Variants in NEK10 observed in about 807,000 individuals in gnomAD.
NEK10 encodes NIMA related kinase 10.
A neutral mutation model predicts 159.8 loss-of-function variants in NEK10; 122 were observed. The ratio of observed to expected loss-of-function variants is 0.76; its 90% CI spans 0.66 to 0.89. The LOEUF (loss-of-function observed/expected upper bound fraction) is 0.89, where lower values mean the gene tolerates loss of function less well. NEK10 is among the 40% of genes least tolerant of loss of function. The pLI is 0.00. For synonymous variants in NEK10, 466 were observed against 457.1 expected, an observed-to-expected ratio of 1.02 and a Z score of -0.25; for missense variants, 1,342 against 1,323.1, an observed-to-expected ratio of 1.01 and a Z score of -0.22.
intron 23 of NEK10, among the ~76,000 whole-genome samples, chr3:27,228,896 A>T (rs1952923068): frequency 6.6e-6 from 1 of 152,046 alleles, no homozygotes; most frequent in Non-Finnish European, 1.5e-5. Flanking sequence ...CTTCTCCCTG[A>T]TAAAAACCTC....
At chr3:27,178,041 T>C (rs1947701182) in intron 26 of NEK10, among the ~76,000 whole-genome samples, 1 of 152,186 alleles carries the variant, frequency 6.6e-6, no homozygotes, top group South Asian at 2.1e-4. Context: ...CGGATATCAA[T>C]ACGGCGGCAA....
At chr3:27,249,548 CT>C (rs1468733547) in intron 23 of NEK10, among the ~76,000 whole-genome samples, 2 of 151,962 alleles carry the variant, frequency 1.3e-5, no homozygotes, top group African/African-American at 4.8e-5. Flanking sequence ...TACTTCTGCT[CT>C]TTTTTGGCTT....
chr3:27,163,500 C>T (rs1421981116), intron 29 of NEK10, among the ~76,000 whole-genome samples: 6 of 151,838 alleles, frequency 4.0e-5, no homozygotes, highest in Admixed American at 6.6e-5. Flanking sequence ...TACAGGTGCC[C>T]GCCACCACGC....
chr3:27,192,243 C>T lies in NEK10; in HGVS notation c.2292-1G>A. 1 of 1,610,856 alleles carries T rather than the reference C, an allele frequency of 6.2e-7. No homozygotes were observed. The highest frequency in any genetic ancestry group is 1.1e-5 in the South Asian group (1 of 90,972). ...AGCTTCCGCATCAGGAGTGAGGCACCTAAGATAACATGAGATAATTATAAC... is the reference window on the plus strand; with the variant it reads ...AGCTTCCGCATCAGGAGTGAGGCACTTAAGATAACATGAGATAATTATAAC... On this transcript the variant is annotated splice_acceptor_variant, in intron 25 of 35. Coordinates refer to ENST00000691995, the MANE Select transcript of NEK10 (RefSeq NM_001394966.1). LOFTEE classifies it high-confidence loss of function.
chr3:27,272,656 A>G (rs564254362), intron 22 of NEK10, among the ~76,000 whole-genome samples: 11 of 152,218 alleles, frequency 7.2e-5, no homozygotes, highest in Middle Eastern at 6.8e-3. Flanking sequence ...TCTGGACTTC[A>G]TGATTGTCCA....
intron 23 of NEK10, among the ~76,000 whole-genome samples, chr3:27,243,591 C>A (rs1209851684): frequency 6.6e-6 from 1 of 152,122 alleles, no homozygotes; most frequent in Non-Finnish European, 1.5e-5. Flanking sequence ...GTCATAATGT[C>A]TGAATTCGAG....
chr3:27,223,385 C>T (rs563159836), intron 23 of NEK10, among the ~76,000 whole-genome samples: 25 of 152,290 alleles, frequency 1.6e-4, no homozygotes, highest in African/African-American at 5.8e-4. Flanking sequence ...CCCTGTACCC[C>T]AGCCCTTACC....
chr3:27,284,104 G>A (rs1335975735), intron 22 of NEK10, among the ~76,000 whole-genome samples: 1 of 152,128 alleles, frequency 6.6e-6, no homozygotes, highest in Admixed American at 6.5e-5. Flanking sequence ...AGTAAAATTT[G>A]GCCGGGCATT....
chr3:27,318,109 T>C (rs937149222), intron 6 of NEK10, among the ~76,000 whole-genome samples: 2 of 152,218 alleles, frequency 1.3e-5, no homozygotes. Context: ...AGCCAAAGTT[T>C]ATTCTTTGGT....
chr3:27,274,781 G>A (rs1575551082), intron 22 of NEK10, among the ~76,000 whole-genome samples: 1 of 152,190 alleles, frequency 6.6e-6, no homozygotes, highest in African/African-American at 2.4e-5. Context: ...GGCTGGAAAT[G>A]CTGATGACAT....
At chr3:27,329,519 T>A (rs1439492879) in intron 5 of NEK10, among the ~76,000 whole-genome samples, 1 of 152,156 alleles carries the variant, frequency 6.6e-6, no homozygotes, top group African/African-American at 2.4e-5. Flanking sequence ...TGAGAAACTG[T>A]CATTTATTGA....
chr3:27,280,860 G>T (rs536666156), intron 22 of NEK10, among the ~76,000 whole-genome samples: 29 of 151,174 alleles, frequency 1.9e-4, no homozygotes, highest in South Asian at 1.3e-3. Context: ...CTACTGTTTA[G>T]TTATATATGT....
At chr3:27,290,023 G>A (rs1343468232) in intron 19 of NEK10, among the ~76,000 whole-genome samples, 1 of 152,142 alleles carries the variant, frequency 6.6e-6, no homozygotes, top group African/African-American at 2.4e-5. Context: ...AATAAGGAAG[G>A]CTGAAAAAGA....
At chr3:27,121,370 A>T (rs1267453005) in intron 32 of NEK10, among the ~76,000 whole-genome samples, 2 of 152,178 alleles carry the variant, frequency 1.3e-5, no homozygotes, top group Non-Finnish European at 2.9e-5. Context: ...ATCATCGGTG[A>T]TATGGTTTGG....
At chr3:27,202,597 G>A (rs775687197) in intron 23 of NEK10, 40 bp from the exon 24 acceptor site, 6 of 1,478,432 alleles carry the variant, frequency 4.1e-6, no homozygotes, top group South Asian at 1.5e-5. Context: ...CTAAGGAAGG[G>A]AGAATCCGCT....
At chr3:27,318,966 T>A (rs917387669) in intron 6 of NEK10, among the ~76,000 whole-genome samples, 1 of 151,836 alleles carries the variant, frequency 6.6e-6, no homozygotes, top group African/African-American at 2.4e-5. Context: ...AGGTTAAGAA[T>A]AGGAACGTGT....
chr3:27,117,982 A>G (rs1329180077), intron 33 of NEK10, among the ~76,000 whole-genome samples: 1 of 152,086 alleles, frequency 6.6e-6, no homozygotes, highest in Non-Finnish European at 1.5e-5. Context: ...TCCATCTTGA[A>G]TTAATTTTTG....
intron 22 of NEK10, among the ~76,000 whole-genome samples, chr3:27,271,271 T>C (rs1461302610): frequency 2.0e-5 from 3 of 152,082 alleles, no homozygotes; most frequent in East Asian, 3.8e-4. Context: ...CTAAATCGTA[T>C]AAGGTGGTGT....
chr3:27,271,631 G>T (rs12486588), intron 22 of NEK10, among the ~76,000 whole-genome samples: 40,373 of 151,990 alleles, frequency 0.27, 5,497 homozygotes, highest in Middle Eastern at 0.39. Flanking sequence ...AAAACACAGA[G>T]AGTTGAGAGG....
Sources: gnomAD v4.1 joint callset for allele counts (sites outside exome capture counted in the v4.1 genomes callset) on GRCh38, gnomAD v4.1.1 for gene constraint, MANE v1.5 for transcripts, NCBI Gene and HGNC (gene_info 2026-07-23, HGNC 2026-07-21) for gene names.